Variants in CLIP2 observed in about 807,000 individuals in gnomAD.
CLIP2 encodes the protein CAP-Gly domain-containing linker protein 2.
CLIP2 carries 41 observed loss-of-function variants against 111.7 expected under a neutral mutation model. The ratio of observed to expected loss-of-function variants is 0.37; its 90% CI spans 0.29 to 0.48. The LOEUF is 0.48. Ranked by LOEUF, CLIP2 falls within the 20% of genes least tolerant of loss-of-function variation. The probability of loss-of-function intolerance (pLI) is 0.99; values close to 1 mark genes in which losing one functional copy is unlikely to be tolerated. For synonymous variants in CLIP2, 660 were observed against 644.2 expected (o/e 1.02, Z -0.37); for missense variants, 1,160 against 1,422.1 (o/e 0.82, Z 2.96).
rs1372021875 is a variant in CLIP2, at chr7:74,338,733, A to C, written c.407A>C (p.Gln136Pro). ...GVRYFECPAL[Q>P]GIFTRPSKLT... ...CGCTACTTCGAGTGCCCGGCCCTCC[A>C]GGGTATCTTCACGCGGCCCTCCAAG... The change falls in exon 3 of 17, where the codon CAG becomes CCG. Residue 136 changes from glutamine to proline, a missense_variant. By Grantham distance (76) the Gln-to-Pro change is moderately conservative. This residue lies in a region of CLIP2 where 301 missense variants were observed against 315.2 expected (regional missense o/e 0.96). Coordinates refer to ENST00000223398, the MANE Select transcript of CLIP2 (RefSeq NM_003388.5). The surrounding 1 kb of genome is among the most constrained non-coding windows in gnomAD (Gnocchi z 4.3). 1 of 1,596,726 alleles carries C rather than the reference A, an allele frequency of 6.3e-7. No individual in the cohort carries two copies. Among genetic ancestry groups the C allele is most frequent in the African/African-American group, 1.3e-5 (1 of 74,648 alleles).
At chr7:74,343,167 A>G (rs1789706569) in intron 3 of CLIP2, among the ~76,000 whole-genome samples, 1 of 151,798 alleles carries the variant, frequency 6.6e-6, no homozygotes, top group Non-Finnish European at 1.5e-5. Context: ...CAGCCTGGGC[A>G]ACAGAGCAAG....
chr7:74,316,905 C>G (rs368427949), intron 1 of CLIP2, among the ~76,000 whole-genome samples: 8 of 151,364 alleles, frequency 5.3e-5, no homozygotes, highest in Admixed American at 4.0e-4. Flanking sequence ...GCAGCTCACG[C>G]TTTGAAAAGG....
chr7:74,360,109 A>G (rs1790283236), intron 6 of CLIP2, 66 bp from the exon 7 acceptor site: 1 of 1,365,182 alleles, frequency 7.3e-7, no homozygotes, highest in African/African-American at 1.4e-5. Context: ...CTCCCACCAC[A>G]CCACCAACCT....
intron 1 of CLIP2, among the ~76,000 whole-genome samples, chr7:74,299,428 C>T (rs1554726461): frequency 6.6e-6 from 1 of 152,194 alleles, no homozygotes; most frequent in African/African-American, 2.4e-5. Context: ...AGTTCTGTTC[C>T]TCCTCCACTC....
At chr7:74,336,483 CAA>C (rs782343947) in intron 2 of CLIP2, among the ~76,000 whole-genome samples, 25 of 151,986 alleles carry the variant, frequency 1.6e-4, no homozygotes, top group East Asian at 5.8e-4. Flanking sequence ...TGGCGGCAGA[CAA>C]GAGAGAATGA....
Position 74,338,503 on chromosome 7 carries a change from T to C in CLIP2, c.177T>C (p.Ala59=). The change falls in exon 3 of 17, where the codon GCT becomes GCC. Residue 59 remains alanine, a synonymous_variant. Transcript: ENST00000223398. The surrounding 1 kb of genome is among the most constrained non-coding windows in gnomAD (Gnocchi z 4.3). The part of the protein sequence containing the change: ...SGPSSSPAAA[A]APEKPGPKAA... Reference sequence around the variant, plus strand: ...CCTCCTCCTCCCCGGCCGCAGCTGCTGCCCCCGAGAAGCCGGGCCCCAAGG... The same window carrying C: ...CCTCCTCCTCCCCGGCCGCAGCTGCCGCCCCCGAGAAGCCGGGCCCCAAGG... 6.2e-7 allele frequency: 1 copy of C among 1,611,026 alleles called. No individual in the cohort carries two copies. The highest frequency in any genetic ancestry group is 8.5e-7 in the Non-Finnish European group (1 of 1,179,222).
Position 74,376,856 on chromosome 7 carries a change from G to T in CLIP2, c.2421+34G>T, listed in dbSNP as rs781818932. ...CTGCCCCTCCTGCTGGGGCGGGAGG[G>T]TCGGGCTGGGGAGGGCTTGGCCTTT... On this transcript the variant is annotated intron_variant, in intron 10 of 16. Coordinates refer to ENST00000223398, the MANE Select transcript of CLIP2 (RefSeq NM_003388.5). The surrounding 1 kb of genome is among the most constrained non-coding windows in gnomAD (Gnocchi z 7.1). 5 of 1,509,244 alleles carry T rather than the reference G, an allele frequency of 3.3e-6. No homozygotes were observed. The African/African-American group carries it at 5.5e-5, about 17-fold the overall frequency. The allele number at this position is 1,509,244 out of a possible 1,614,324, so 93.5% of individuals were successfully genotyped here.
intron 1 of CLIP2, among the ~76,000 whole-genome samples, chr7:74,294,643 G>T (rs1319110433): frequency 6.6e-6 from 1 of 152,196 alleles, no homozygotes; most frequent in East Asian, 1.9e-4. Flanking sequence ...GTCTGCCCTT[G>T]CCTGTAGCTA....
At chr7:74,384,697 C>T (rs896866911) in intron 11 of CLIP2, among the ~76,000 whole-genome samples, 2 of 151,832 alleles carry the variant, frequency 1.3e-5, no homozygotes, top group South Asian at 2.1e-4. Context: ...GCACCTGCCT[C>T]GGCCTCCTGA....
rs930634480 is a variant in CLIP2, at chr7:74,400,508, G to A, written c.3019G>A (p.Val1007Met). The change falls in exon 15 of 17, where the codon GTG (valine) becomes ATG (methionine). Residue 1007 changes from valine to methionine, a missense_variant. Physicochemically the swap from Val to Met is conservative, Grantham distance 21. Around this residue, in one of 5 missense-constraint regions of CLIP2, gnomAD observed 676 missense variants for 777.8 expected, o/e 0.87. Coordinates refer to ENST00000223398, the MANE Select transcript of CLIP2 (RefSeq NM_003388.5). ...LRDALDQAQQ[V>M]EKLMEAMRSC... is the part of the protein sequence containing the mutation. ...GGATGCGCTGGACCAGGCTCAGCAG[G>A]TGGAGAAGCTGATGGAGGCCATGAG... 1.2e-6 allele frequency: 2 copies of A among 1,610,500 alleles called. No individual in the cohort carries two copies. Among genetic ancestry groups the A allele is most frequent in the Admixed American group, 1.7e-5 (1 of 59,312 alleles).
intron 7 of CLIP2, among the ~76,000 whole-genome samples, chr7:74,363,612 C>T (rs1381658609): frequency 3.9e-5 from 6 of 152,092 alleles, no homozygotes; most frequent in African/African-American, 9.7e-5. Flanking sequence ...CAGCTGGGCG[C>T]GGAGGCTCAC....
At position 74,400,383 on chromosome 7, in the gene CLIP2, C is replaced by A; in HGVS notation, c.2894C>A (p.Ser965Tyr). Residue 965 changes from serine (S) to tyrosine (Y), a missense_variant, in exon 15 of 17, where the codon TCC (serine) becomes TAC (tyrosine). By Grantham distance (144) the Ser-to-Tyr change is moderately radical (BLOSUM62 -2). Transcript: ENST00000223398. Reference protein sequence around the residue: ...EKLTGLDKEKSLSDQRRYSLI... With the variant: ...EKLTGLDKEKYLSDQRRYSLI... Reference sequence around the variant, plus strand: ...TGCCACTTCCAGGACAAAGAGAAATCCCTGTCGGATCAGAGGCGCTACTCC... The same window carrying A: ...TGCCACTTCCAGGACAAAGAGAAATACCTGTCGGATCAGAGGCGCTACTCC... 6.2e-7 allele frequency: 1 copy of A among 1,609,144 alleles called. No individual in the cohort carries two copies. The highest frequency in any genetic ancestry group is 8.5e-7 in the Non-Finnish European group (1 of 1,177,146).
rs1356368823 is a variant in CLIP2, at chr7:74,382,654, G to T, written c.2479+1791G>T. ...TTGTGTCTTTTGACCATTTTTTTCT[G>T]ATTGGGTTATTGATCTTTTTGCTGA... On this transcript the variant is annotated intron_variant, in intron 11 of 16. Transcript: ENST00000223398. 2.0e-5 allele frequency among the ~76,000 whole-genome samples: 3 copies of T among 151,400 alleles called. No homozygotes were observed. The Admixed American group carries it at 2.0e-4, about 10-fold the overall frequency.
chr7:74,321,351 A>G (rs1243569990), intron 2 of CLIP2, among the ~76,000 whole-genome samples: 1 of 152,098 alleles, frequency 6.6e-6, no homozygotes, highest in Admixed American at 6.6e-5. Context: ...AGGATGGACC[A>G]TGTTTATCGT....
At chr7:74,357,506 GCT>G (rs782663647) in intron 6 of CLIP2, 29 bp downstream of exon 6, 1 of 1,584,746 alleles carries the variant, frequency 6.3e-7, no homozygotes, top group East Asian at 2.3e-5. Flanking sequence ...TGGGGGCAGA[GCT>G]TCTCCAGCCA....
At chr7:74,354,099 C>G (rs1439911791) in intron 4 of CLIP2, 95 bp downstream of exon 4, 6 of 1,424,166 alleles carry the variant, frequency 4.2e-6, no homozygotes, top group Non-Finnish European at 5.7e-6. Context: ...AAGCGAGTGT[C>G]CAGCATGTAG....
chr7:74,369,177 C>A (rs1790537792), intron 8 of CLIP2, among the ~76,000 whole-genome samples: 1 of 152,092 alleles, frequency 6.6e-6, no homozygotes, highest in Non-Finnish European at 1.5e-5. Flanking sequence ...ATGGTGAAAC[C>A]CTGTCTCTAC....
intron 1 of CLIP2, among the ~76,000 whole-genome samples, chr7:74,305,690 C>T (rs1397907481): frequency 2.0e-5 from 3 of 152,100 alleles, no homozygotes; most frequent in South Asian, 2.1e-4. Flanking sequence ...GATGGGGTTT[C>T]GCCATGTTGC....
intron 9 of CLIP2, 114 bp downstream of exon 9, chr7:74,373,150 ATTTTTAT>A (rs1176843235): frequency 4.6e-6 from 3 of 647,316 alleles, no homozygotes; most frequent in Non-Finnish European, 7.9e-6. Flanking sequence ...CATCTTTTTT[ATTTTTAT>A]TTTTTATTTT....
Sources: allele counts gnomAD v4.1 joint callset (sites outside exome capture counted in the v4.1 genomes callset), GRCh38; gene constraint gnomAD v4.1.1; regional missense constraint gnomAD v4.1.1; non-coding constraint Gnocchi (gnomAD v3.1); transcripts MANE v1.5; gene names NCBI Gene and HGNC (gene_info 2026-07-23, HGNC 2026-07-21).